The following MELTF variants were observed in gnomAD, a reference collection of about 807,000 sequenced individuals.
MELTF encodes antigen p97 (melanoma associated) identified by monoclonal antibodies 133.2 and 96.5.
MELTF carries 67 observed loss-of-function variants against 83.7 expected under a neutral mutation model. The observed-to-expected ratio is 0.80, with a 90% CI of 0.66 to 0.98. The LOEUF (loss-of-function observed/expected upper bound fraction) is 0.98, where lower values mean the gene tolerates loss of function less well. MELTF is among the 50% of genes least tolerant of loss of function. The probability of loss-of-function intolerance (pLI) is 0.00; values close to 1 mark genes in which losing one functional copy is unlikely to be tolerated. For missense variants in MELTF, 1,002 were observed against 1,035.6 expected (o/e 0.97, Z 0.44); for synonymous variants, 462 against 447.6 (o/e 1.03, Z -0.41).
chr3:197,002,147 TGA>T lies in MELTF; in HGVS notation c.*1223_*1224del, dbSNP rs3830543. The T allele has an allele frequency of 1.3e-5, 2 of 152,028 alleles. No individual in the cohort carries two copies. The highest frequency in any genetic ancestry group is 1.3e-4 in the Admixed American group (2 of 15,278). The allele number at this position is 152,028 out of a possible 1,614,324, so 9.4% of individuals were successfully genotyped here. ...GCGCTGCCAGGGCCTCCTCTGCGGC[TGA>T]GAGATGGAAGGGATCCTTCCCGACG... On this transcript the variant is annotated 3_prime_UTR_variant, in exon 16 of 16. Coordinates refer to ENST00000296350, the MANE Select transcript of MELTF (RefSeq NM_005929.6).
chr3:197,006,598 C>G lies in MELTF; in HGVS notation c.1889G>C (p.Arg630Pro). ...CACGGTGAAGATGTTGGTGTCGGGC[C>G]GGACCATCACGGCGTGGGGTGGTAT... is the stretch of plus-strand genomic sequence containing the variant. ...AQIPPHAVMVRPDTNIFTVYG... is the reference protein window; with the variant it reads ...AQIPPHAVMVPPDTNIFTVYG... Residue 630 changes from arginine to proline, a missense_variant, in exon 14 of 16, where the codon CGG becomes CCG. Coordinates refer to ENST00000296350, the MANE Select transcript of MELTF (RefSeq NM_005929.6). The surrounding 1 kb of genome is among the most constrained non-coding windows in gnomAD (Gnocchi z 5.4). The G allele has an allele frequency of 6.2e-7, 1 of 1,613,018 alleles. No homozygotes were observed. The highest frequency in any genetic ancestry group is 8.5e-7 in the Non-Finnish European group (1 of 1,179,504).
chr3:197,020,035 A>G (rs1429559537), intron 6 of MELTF, among the ~76,000 whole-genome samples: 1 of 152,204 alleles, frequency 6.6e-6, no homozygotes, highest in African/African-American at 2.4e-5. Context: ...GTATTTGGCA[A>G]AACTCATAGA....
Position 197,003,669 on chromosome 3 carries a change from C to T in MELTF, c.2138-218G>A. ...TGGCCCCAGATCCTCCCCGCGCCGC[C>T]GTTTTGAGCGTTCACACTCATTACC... On this transcript the variant is annotated intron_variant, in intron 15 of 15. Coordinates refer to ENST00000296350, the MANE Select transcript of MELTF (RefSeq NM_005929.6). This position sits in a 1 kb window ranked among gnomAD's most constrained non-coding sequence, Gnocchi z 6.2. 1 of 661,660 alleles carries T rather than the reference C, an allele frequency of 1.5e-6. No individual in the cohort carries two copies. Among genetic ancestry groups the T allele is most frequent in the Non-Finnish European group, 2.5e-6 (1 of 398,048 alleles). The allele number at this position is 661,660 out of a possible 1,614,324, so 41.0% of individuals were successfully genotyped here. A position where few individuals can be genotyped will look rare whatever the true frequency, so the allele number is the denominator to read the frequency against.
chr3:197,015,852 A>G (rs1400990443), intron 8 of MELTF, among the ~76,000 whole-genome samples: 1 of 152,144 alleles, frequency 6.6e-6, no homozygotes, highest in Non-Finnish European at 1.5e-5. Flanking sequence ...GGCTGTAGCC[A>G]TGGGGTAGAG....
In MELTF at chr3:197,003,486, C is replaced by A; in HGVS notation, c.2138-35G>T. 1.1e-6 allele frequency: 1 copy of A among 950,388 alleles called. No homozygotes were observed. Among genetic ancestry groups the A allele is most frequent in the East Asian group, 7.5e-5 (1 of 13,390 alleles). The allele number at this position is 950,388 out of a possible 1,614,324, so 58.9% of individuals were successfully genotyped here. A position where few individuals can be genotyped will look rare whatever the true frequency, so the allele number is the denominator to read the frequency against. ...AACGCGGCGGGTCAGGCCCCGAAGC[C>A]CGGGCCGCGGTGGCCGCCTCAGGCG... On this transcript the variant is annotated intron_variant, in intron 15 of 15. Transcript: ENST00000296350. This position sits in a 1 kb window ranked among gnomAD's most constrained non-coding sequence, Gnocchi z 6.2.
Position 197,029,753 on chromosome 3 carries a change from G to GTCC in MELTF, c.-52_-51insGGA. On this transcript the variant is annotated 5_prime_UTR_variant, in exon 1 of 16. Transcript: ENST00000296350. This position sits in a 1 kb window ranked among gnomAD's most constrained non-coding sequence, Gnocchi z 6.5. The stretch of plus-strand genomic sequence containing the variant: ...GGGCTGGGGCTGGGTCCGGGTCCGA[G>GTCC]GAGGTCCGCAGCAGCCGGGCTTCCT... 1 of 1,186,774 alleles carries GTCC rather than the reference G, an allele frequency of 8.4e-7. No homozygotes were observed. Among genetic ancestry groups the GTCC allele is most frequent in the African/African-American group, 1.6e-5 (1 of 63,482 alleles). 73.5% of individuals were successfully genotyped at this position (1,186,774 alleles called of 1,614,324 possible).
chr3:197,027,647 C>G (rs369399457), intron 2 of MELTF, 109 bp downstream of exon 2: 3 of 1,344,786 alleles, frequency 2.2e-6, no homozygotes, highest in Non-Finnish European at 3.0e-6. Context: ...TCCTATCGGC[C>G]GGGCCTGGCA....
At chr3:197,021,505 G>A (rs773313757) in intron 5 of MELTF, 34 bp from the exon 6 acceptor site, 5 of 1,604,308 alleles carry the variant, frequency 3.1e-6, no homozygotes, top group East Asian at 4.5e-5. Flanking sequence ...TGGATGGGCT[G>A]AGCCCCTGCC....
At chr3:197,009,853 G>A in intron 10 of MELTF, 41 bp from the exon 11 acceptor site, 3 of 1,581,202 alleles carry the variant, frequency 1.9e-6, no homozygotes, top group Non-Finnish European at 2.6e-6. Flanking sequence ...CCTCATCTGA[G>A]AGCCCGGGCA....
At chr3:197,005,942 C>T (rs1366134021) in intron 14 of MELTF, among the ~76,000 whole-genome samples, 6 of 145,764 alleles carry the variant, frequency 4.1e-5, no homozygotes, top group East Asian at 2.0e-4. Context: ...CAGGATTGGC[C>T]GGGCACAGTG....
At position 197,006,037 on chromosome 3, in the gene MELTF, G is replaced by A. The variant is rs1357483815; in HGVS notation, c.1938+512C>T. ...AGATCGAGACCATCCTGGCTAACAC[G>A]GTGAAACCCCTTCTCTACTAAAAAA... On this transcript the variant is annotated intron_variant, in intron 14 of 15. Coordinates refer to ENST00000296350, the MANE Select transcript of MELTF (RefSeq NM_005929.6). The surrounding 1 kb of genome is among the most constrained non-coding windows in gnomAD (Gnocchi z 5.4). Among the ~76,000 whole-genome samples, 8 of 152,076 alleles carry A rather than the reference G, an allele frequency of 5.3e-5. No individual in the cohort carries two copies. Among genetic ancestry groups the A allele is most frequent in the Non-Finnish European group, 7.4e-5 (5 of 68,010 alleles).
rs112843841 is a variant in MELTF, at chr3:197,005,265, C to T, written c.1939-1166G>A. Among the ~76,000 whole-genome samples, 21 of 152,112 alleles carry T rather than the reference C, an allele frequency of 1.4e-4. 1 individual carries two copies. Among genetic ancestry groups the T allele is most frequent in the African/African-American group, 4.1e-4 (17 of 41,474 alleles). ...GAAGACCGGAGTCAAAAATGACTCC[C>T]GAGGAAATGGAAAAGCTAAAGTTGC... On this transcript the variant is annotated intron_variant, in intron 14 of 15. Transcript: ENST00000296350.
rs774025839 is a variant in MELTF, at chr3:197,026,755, T to C, written c.209A>G (p.Gln70Arg). 73 of 1,611,806 alleles carry C rather than the reference T, an allele frequency of 4.5e-5. No homozygotes were observed. Among genetic ancestry groups the C allele is most frequent in the Non-Finnish European group, 5.4e-5 (64 of 1,179,924 alleles). The change falls in exon 3 of 16, where the codon CAG (glutamine) becomes CGG (arginine). Residue 70 changes from glutamine to arginine, a missense_variant. Gln to Arg is a conservative substitution (Grantham distance 43). Coordinates refer to ENST00000296350, the MANE Select transcript of MELTF (RefSeq NM_005929.6). ...ATCCAGAGTGATGGCGTCAGCCTCC[T>C]GGGCCTGCAAGGAAATGTGGCTCAG... is the stretch of plus-strand genomic sequence containing the variant. Reference protein sequence around the residue: ...ADHCVQLIAAQEADAITLDGG... With the variant: ...ADHCVQLIAAREADAITLDGG...
At position 197,011,622 on chromosome 3, in the gene MELTF, A is replaced by T. The variant is rs533302265; in HGVS notation, c.1234-828T>A. The stretch of plus-strand genomic sequence containing the variant: ...GATATTTGGGGCCAGGAGGGTGCAC[A>T]GCTCGGGGCCCTTTTTCCACCACTC... On this transcript the variant is annotated intron_variant, in intron 9 of 15. Coordinates refer to ENST00000296350, the MANE Select transcript of MELTF (RefSeq NM_005929.6). This position sits in a 1 kb window ranked among gnomAD's most constrained non-coding sequence, Gnocchi z 4.2. 6.6e-6 allele frequency among the ~76,000 whole-genome samples: 1 copy of T among 152,146 alleles called. No homozygotes were observed. Among genetic ancestry groups the T allele is most frequent in the South Asian group, 2.1e-4 (1 of 4,832 alleles).
In MELTF at chr3:197,024,600, A is replaced by G. The variant is rs570017993; in HGVS notation, c.305-115T>C. On this transcript the variant is annotated intron_variant, in intron 3 of 15. Transcript: ENST00000296350. The surrounding 1 kb of genome is among the most constrained non-coding windows in gnomAD (Gnocchi z 5.3). The stretch of plus-strand genomic sequence containing the variant: ...GTGTGTGCACGGAGCACGGCTGTAC[A>G]CACGGATGTGTGCATAGCGTTCTCG... 3 of 891,848 alleles carry G rather than the reference A, an allele frequency of 3.4e-6. No homozygotes were observed. In the South Asian group the frequency reaches 6.1e-5, roughly 18 times the overall value. 55.2% of individuals were successfully genotyped at this position (891,848 alleles called of 1,614,324 possible).
intron 14 of MELTF, among the ~76,000 whole-genome samples, chr3:197,004,947 G>T (rs1222041608): frequency 2.0e-5 from 3 of 152,192 alleles, no homozygotes; most frequent in Non-Finnish European, 4.4e-5. Flanking sequence ...GGAAGCCCAG[G>T]GACCCAGAGT....
At chr3:197,028,999 C>G (rs909567896) in intron 1 of MELTF, 1 of 152,382 alleles carries the variant, frequency 6.6e-6, no homozygotes, top group Non-Finnish European at 1.5e-5. Flanking sequence ...TCAGACGGGG[C>G]GGGGGTGGCG....
Position 197,026,732 on chromosome 3 carries a change from C to G in MELTF, c.232G>C (p.Asp78His). Residue 78 changes from aspartate to histidine, a missense_variant, in exon 3 of 16, where the codon GAT becomes CAT. Physicochemically the swap from Asp to His is moderately conservative, Grantham distance 81. Transcript: ENST00000296350. The stretch of plus-strand genomic sequence containing the variant: ...CCCGCCTCATAGATGGCTCCTCCAT[C>G]CAGAGTGATGGCGTCAGCCTCCTGG... ...AAQEADAITLDGGAIYEAGKE... is the reference protein window; with the variant it reads ...AAQEADAITLHGGAIYEAGKE... The G allele has an allele frequency of 6.2e-7, 1 of 1,613,176 alleles. No individual in the cohort carries two copies.
chr3:197,015,567 G>A (rs1386911787), intron 8 of MELTF, 51 bp from the exon 9 acceptor site: 1 of 1,565,344 alleles, frequency 6.4e-7, no homozygotes, highest in African/African-American at 1.4e-5. Flanking sequence ...TGCCATGGAA[G>A]AGCATGGAGT....
Sources: gnomAD v4.1 joint callset for allele counts (sites outside exome capture counted in the v4.1 genomes callset) on GRCh38, gnomAD v4.1.1 for gene constraint, Gnocchi (gnomAD v3.1) non-coding constraint, MANE v1.5 for transcripts, NCBI Gene and HGNC (gene_info 2026-07-23, HGNC 2026-07-21) for gene names.